CEP83: variants seen among roughly 807,000 people sequenced by gnomAD.
The protein encoded by CEP83 is centrosomal protein 83.
A neutral mutation model predicts 101.9 loss-of-function variants in CEP83; 70 were observed. That is an observed-to-expected ratio of 0.69 (90% confidence interval 0.57 to 0.84). The LOEUF (loss-of-function observed/expected upper bound fraction) is 0.84. Ranked by LOEUF, CEP83 falls within the 40% of genes least tolerant of loss-of-function variation. The pLI, the probability that CEP83 is intolerant of heterozygous loss-of-function variation, is 0.00. For missense variants in CEP83, 715 were observed against 787.2 expected (o/e 0.91, Z 1.10); for synonymous variants, 264 against 267.9 (o/e 0.99, Z 0.14).
the CEP83 span, among the ~76,000 whole-genome samples, chr12:94,279,193 C>T: frequency 6.6e-6 from 1 of 151,964 alleles, no homozygotes; most frequent in Admixed American, 6.6e-5. Context: ...ACCAAATTAC[C>T]ATTTTTAGAC....
At chr12:94,304,368 T>C, downstream of CEP83, 1 of 219,960 alleles carries the variant, frequency 4.5e-6, no homozygotes, top group Admixed American at 5.6e-5. Flanking sequence ...TTATGCTTGA[T>C]TGTAATTTGC....
At chr12:94,424,192 A>G (rs528444410) in intron 2 of CEP83, 1 of 1,608,758 alleles carries the variant, frequency 6.2e-7, no homozygotes, top group African/African-American at 1.3e-5. Flanking sequence ...GGTAAAACCC[A>G]TTCTGAAGAG....
the CEP83 span, among the ~76,000 whole-genome samples, chr12:94,278,493 G>C: frequency 1.3e-5 from 2 of 152,208 alleles, no homozygotes; most frequent in Non-Finnish European, 2.9e-5. Context: ...TCCCCCATTA[G>C]TCTGATTCTG....
intron 2 of CEP83, among the ~76,000 whole-genome samples, chr12:94,413,747 G>C (rs2064060687): frequency 6.6e-6 from 1 of 151,520 alleles, no homozygotes; most frequent in African/African-American, 2.4e-5. Flanking sequence ...ATGTTTCAAA[G>C]TGTTCTTATA....
At chr12:94,343,470 C>CTTTTTTTTTTTTTTTTTT (rs1161481202) in intron 11 of CEP83, among the ~76,000 whole-genome samples, 11 of 84,176 alleles carry the variant, frequency 1.3e-4, no homozygotes, top group African/African-American at 2.6e-4. Context: ...TAGAAATTAA[C>CTTTTTTTTTTTTTTTTTT]TTTTTTTTTT....
chr12:94,405,193 T>C (rs2063468917), intron 4 of CEP83, among the ~76,000 whole-genome samples: 2 of 152,182 alleles, frequency 1.3e-5, no homozygotes, highest in African/African-American at 2.4e-5. Context: ...ATGGCTCCTG[T>C]TTCAAATGAT....
chr12:94,370,886 T>G (rs2061272833), intron 8 of CEP83, among the ~76,000 whole-genome samples: 2 of 152,144 alleles, frequency 1.3e-5, no homozygotes, highest in Middle Eastern at 6.8e-3. Flanking sequence ...CTGGGGAGAC[T>G]GAGGTAAGAG....
At chr12:94,432,058 C>CT (rs200437957) in intron 2 of CEP83, among the ~76,000 whole-genome samples, 6,686 of 143,184 alleles carry the variant, frequency 0.047, 470 homozygotes, top group African/African-American at 0.15. Flanking sequence ...TTAACTTTTT[C>CT]TTTTTTTTTT....
chr12:94,384,042 A>G (rs187822815), intron 6 of CEP83, among the ~76,000 whole-genome samples: 12 of 152,288 alleles, frequency 7.9e-5, no homozygotes, highest in Non-Finnish European at 1.3e-4. Flanking sequence ...AGTTCTGTTT[A>G]CCATGTACAT....
At chr12:94,297,143 C>G in the CEP83 span, 1 of 1,606,154 alleles carries the variant, frequency 6.2e-7, no homozygotes, top group Non-Finnish European at 8.5e-7. Flanking sequence ...CCCATGGTTG[C>G]TTTTTTTAAT....
intron 6 of CEP83, among the ~76,000 whole-genome samples, chr12:94,383,947 C>T (rs2061991881): frequency 6.6e-6 from 1 of 152,090 alleles, no homozygotes; most frequent in Non-Finnish European, 1.5e-5. Flanking sequence ...TTTAGAACCA[C>T]ATCAGAGTTA....
At chr12:94,373,446 C>T (rs931381690) in intron 8 of CEP83, among the ~76,000 whole-genome samples, 1 of 152,098 alleles carries the variant, frequency 6.6e-6, no homozygotes, top group Non-Finnish European at 1.5e-5. Flanking sequence ...ATATAATTGA[C>T]AATATGTATT....
chr12:94,340,791 C>T (rs1446665526), intron 11 of CEP83, among the ~76,000 whole-genome samples: 1 of 152,190 alleles, frequency 6.6e-6, no homozygotes, highest in Non-Finnish European at 1.5e-5. Context: ...GTCCTCTTGG[C>T]TTCAACATAT....
the CEP83 span, chr12:94,294,353 A>G: frequency 3.5e-6 from 2 of 565,218 alleles, no homozygotes; most frequent in South Asian, 4.0e-5. Context: ...TGCCCAGAAC[A>G]TAGTAATTCT....
At position 94,308,937 on chromosome 12, in the gene CEP83, A is replaced by C; in HGVS notation, c.2002-20T>G. On this transcript the variant is annotated intron_variant, in intron 16 of 16. Transcript: ENST00000397809. ...TTCCTCCTTAAAATGATGTAGAGAA[A>C]GCATAGCAAAAGAAACTATTAGAAA... 1 of 1,546,024 alleles carries C rather than the reference A, an allele frequency of 6.5e-7. No individual in the cohort carries two copies. The highest frequency in any genetic ancestry group is 8.9e-7 in the Non-Finnish European group (1 of 1,119,370).
intron 1 of CEP83, among the ~76,000 whole-genome samples, chr12:94,446,879 A>G (rs1429874168): frequency 6.6e-6 from 1 of 152,184 alleles, no homozygotes; most frequent in African/African-American, 2.4e-5. Context: ...ACACATCTAA[A>G]CAGCCCAACA....
At chr12:94,303,671 G>A, downstream of CEP83, 1 of 1,211,546 alleles carries the variant, frequency 8.3e-7, no homozygotes, top group African/African-American at 1.6e-5. Flanking sequence ...CAGCTACATT[G>A]GAATATTATA....
At chr12:94,270,945 C>T in the CEP83 span, among the ~76,000 whole-genome samples, 20 of 152,088 alleles carry the variant, frequency 1.3e-4, no homozygotes, top group South Asian at 8.3e-4. Flanking sequence ...CAAAGGGGAA[C>T]GTCAGGCAGA....
chr12:94,409,266 C>T (rs2063734714), intron 4 of CEP83, among the ~76,000 whole-genome samples: 2 of 151,700 alleles, frequency 1.3e-5, no homozygotes, highest in African/African-American at 4.8e-5. Flanking sequence ...AAATAAATAT[C>T]ACACAGAAAC....
Sources: gnomAD v4.1 joint callset for allele counts (sites outside exome capture counted in the v4.1 genomes callset) on GRCh38, gnomAD v4.1.1 for gene constraint, MANE v1.5 for transcripts, NCBI Gene and HGNC (gene_info 2026-07-23, HGNC 2026-07-21) for gene names.